ANKS6: variants seen among roughly 807,000 people sequenced by gnomAD.
ANKS6 encodes ankyrin repeat and sterile alpha motif domain containing 6, also known as ankyrin repeat and SAM domain-containing protein 6.
A neutral mutation model predicts 77.9 loss-of-function variants in ANKS6; 47 were observed. The ratio of observed to expected loss-of-function variants is 0.60; its 90% CI spans 0.48 to 0.77. The LOEUF is 0.77. ANKS6 is among the 30% of genes least tolerant of loss of function. The pLI, the probability that ANKS6 is intolerant of heterozygous loss-of-function variation, is 0.00. For synonymous variants in ANKS6, 488 were observed against 501.7 expected (o/e 0.97, Z 0.37); for missense variants, 1,150 against 1,159.1 (o/e 0.99, Z 0.11).
chr9:98,736,194 G>A lies in ANKS6; in HGVS notation c.*325C>T, dbSNP rs1224171535. The A allele has an allele frequency of 1.3e-5, 15 of 1,177,258 alleles. No individual in the cohort carries two copies. The highest frequency in any genetic ancestry group is 1.6e-5 in the Non-Finnish European group (15 of 951,492). The allele number at this position is 1,177,258 out of a possible 1,614,324, so 72.9% of individuals were successfully genotyped here. On this transcript the variant is annotated 3_prime_UTR_variant, in exon 15 of 15. Coordinates refer to ENST00000353234, the MANE Select transcript of ANKS6 (RefSeq NM_173551.5). ...TTCTCCATCGTCCCTTTCCCTTGCC[G>A]CCAGCCAGAAGCAAACTCTGAGGCT...
chr9:98,737,580 T>A (rs757548607), intron 14 of ANKS6, among the ~76,000 whole-genome samples: 2 of 152,088 alleles, frequency 1.3e-5, no homozygotes, highest in Non-Finnish European at 2.9e-5. Flanking sequence ...AAATAAATCA[T>A]AGATGACACA....
intron 5 of ANKS6, among the ~76,000 whole-genome samples, chr9:98,781,384 G>C (rs1173414909): frequency 6.6e-6 from 1 of 152,170 alleles, no homozygotes; most frequent in African/African-American, 2.4e-5. Flanking sequence ...GAGTTTCTCA[G>C]AAAAAGTGTG....
intron 8 of ANKS6, among the ~76,000 whole-genome samples, chr9:98,775,306 G>A (rs894370162): frequency 6.6e-6 from 1 of 152,216 alleles, no homozygotes; most frequent in Non-Finnish European, 1.5e-5. Context: ...GCAAGTGGGG[G>A]AAACGAAGGT....
chr9:98,736,027 C>G lies in ANKS6; in HGVS notation c.*492G>C. ...CCCCCATCTAAGTCAAAAGTTGTTG[C>G]TGGGAAGCCACTATGTGGAGACTGC... On this transcript the variant is annotated 3_prime_UTR_variant, in exon 15 of 15. Coordinates refer to ENST00000353234, the MANE Select transcript of ANKS6 (RefSeq NM_173551.5). 8.3e-7 allele frequency: 1 copy of G among 1,202,500 alleles called. No individual in the cohort carries two copies. The highest frequency in any genetic ancestry group is 1.0e-6 in the Non-Finnish European group (1 of 970,108). 74.5% of individuals were successfully genotyped at this position (1,202,500 alleles called of 1,614,324 possible).
intron 2 of ANKS6, 82 bp downstream of exon 2, chr9:98,790,022 T>G: frequency 2.0e-6 from 3 of 1,491,706 alleles, no homozygotes; most frequent in Non-Finnish European, 2.7e-6. Context: ...TGCGTGTCCT[T>G]CCAGTAGAGC....
Position 98,796,143 on chromosome 9 carries a change from G to T in ANKS6, c.349C>A (p.Gln117Lys). ...GCCCCGCCGCCTCACCTGGCCGCCTGCATGAGCGCGCTCCAGCCGTAGTGG... is the reference window on the plus strand; with the variant it reads ...GCCCCGCCGCCTCACCTGGCCGCCTTCATGAGCGCGCTCCAGCCGTAGTGG... Reference protein sequence around the residue: ...RNHYGWSALMQAARFGHVSVA... With the variant: ...RNHYGWSALMKAARFGHVSVA... Residue 117 changes from glutamine (Q) to lysine (K), a missense_variant, in exon 1 of 15, where the codon CAG (glutamine) becomes AAG (lysine). Gln to Lys is a moderately conservative substitution (Grantham distance 53). Transcript: ENST00000353234. 7.2e-7 allele frequency: 1 copy of T among 1,388,392 alleles called. No individual in the cohort carries two copies. The highest frequency in any genetic ancestry group is 9.3e-7 in the Non-Finnish European group (1 of 1,070,052). 86.0% of individuals were successfully genotyped at this position (1,388,392 alleles called of 1,614,324 possible).
intron 5 of ANKS6, among the ~76,000 whole-genome samples, chr9:98,781,586 CCT>C (rs769977887): frequency 3.9e-5 from 6 of 152,242 alleles, no homozygotes; most frequent in Non-Finnish European, 7.4e-5. Context: ...CTCTGCTTCC[CCT>C]CTCAGACCTC....
chr9:98,768,157 G>C lies in ANKS6; in HGVS notation c.2066C>G (p.Pro689Arg). 1 of 1,613,992 alleles carries C rather than the reference G, an allele frequency of 6.2e-7. No homozygotes were observed. The change falls in exon 11 of 15, where the codon CCT becomes CGT. Residue 689 changes from proline to arginine, a missense_variant. By Grantham distance (103) the Pro-to-Arg change is moderately radical (BLOSUM62 -2). Coordinates refer to ENST00000353234, the MANE Select transcript of ANKS6 (RefSeq NM_173551.5). ...GCTGGACCCCGGTGCTGGCCCCACAGGGCTTGACCGATGGCTGGGTTTCTG... is the reference window on the plus strand; with the variant it reads ...GCTGGACCCCGGTGCTGGCCCCACACGGCTTGACCGATGGCTGGGTTTCTG... ...LEQKPSHRSS[P>R]VGPAPGSSPS... is the part of the protein sequence containing the mutation.
At chr9:98,739,434 TGTCACA>T (rs1364034198) in intron 14 of ANKS6, among the ~76,000 whole-genome samples, 2 of 152,080 alleles carry the variant, frequency 1.3e-5, no homozygotes, top group Non-Finnish European at 2.9e-5. Context: ...AGCGAGACCC[TGTCACA>T]GTCTAGGTTT....
At chr9:98,778,172 G>C (rs989157075) in intron 7 of ANKS6, 54 bp downstream of exon 7, 2 of 1,580,844 alleles carry the variant, frequency 1.3e-6, no homozygotes, top group Non-Finnish European at 1.7e-6. Flanking sequence ...AAGGGCAGAG[G>C]GTACAGGCTC....
intron 5 of ANKS6, among the ~76,000 whole-genome samples, chr9:98,781,897 C>T (rs1333368163): frequency 2.0e-5 from 3 of 152,288 alleles, no homozygotes; most frequent in Admixed American, 2.0e-4. Flanking sequence ...AGAGACCTTT[C>T]CCCTTGAGCT....
Position 98,778,310 on chromosome 9 carries a change from G to A in ANKS6, c.1483C>T (p.Leu495=). The A allele has an allele frequency of 6.2e-7, 1 of 1,614,200 alleles. No individual in the cohort carries two copies. ...LPFSDEPEPA[L]DSTMRAAPQD... is the part of the protein sequence containing the mutation. ...GGGGCAGCCCTCATTGTGGAGTCCA[G>A]AGCTGGCTCAGGCTCGTCAGAGAAA... is the stretch of plus-strand genomic sequence containing the variant. The change falls in exon 7 of 15, where the codon CTG becomes TTG. Residue 495 remains leucine, a synonymous_variant. Transcript: ENST00000353234.
intron 11 of ANKS6, among the ~76,000 whole-genome samples, chr9:98,762,248 C>A (rs1833057573): frequency 6.6e-6 from 1 of 152,104 alleles, no homozygotes; most frequent in South Asian, 2.1e-4. Flanking sequence ...TAGAGAAATA[C>A]AGCTGACTTC....
intron 6 of ANKS6, 40 bp from the exon 7 acceptor site, chr9:98,778,464 G>C: frequency 6.2e-7 from 1 of 1,600,714 alleles, no homozygotes; most frequent in Non-Finnish European, 8.5e-7. Context: ...GCTCCAGGAA[G>C]GGCAAGGAGA....
intron 11 of ANKS6, among the ~76,000 whole-genome samples, chr9:98,762,107 GTAT>G (rs1564194846): frequency 6.6e-6 from 1 of 152,024 alleles, no homozygotes. Context: ...TTATACCTAA[GTAT>G]TATATTATAT....
chr9:98,750,553 G>A (rs1832371245), intron 13 of ANKS6, among the ~76,000 whole-genome samples: 1 of 152,180 alleles, frequency 6.6e-6, no homozygotes, highest in Non-Finnish European at 1.5e-5. Flanking sequence ...GGACTGCTGG[G>A]TCACACGGTA....
intron 10 of ANKS6, among the ~76,000 whole-genome samples, chr9:98,769,018 T>C (rs1316503314): frequency 6.9e-6 from 1 of 144,340 alleles, no homozygotes; most frequent in African/African-American, 2.6e-5. Context: ...TCCCAGCTAC[T>C]TGGGAGGCTG....
At chr9:98,789,840 AT>A (rs1834787584) in intron 2 of ANKS6, 1 of 424,424 alleles carries the variant, frequency 2.4e-6, no homozygotes, top group Non-Finnish European at 4.1e-6. Context: ...CATCAGAATG[AT>A]GTGCTTGGGG....
chr9:98,762,808 T>C (rs1194472694), intron 11 of ANKS6, among the ~76,000 whole-genome samples: 1 of 152,108 alleles, frequency 6.6e-6, no homozygotes, highest in Admixed American at 6.5e-5. Context: ...TTTTTATATT[T>C]ATATTCATGA....
Sources: gnomAD v4.1 joint callset for allele counts (sites outside exome capture counted in the v4.1 genomes callset) on GRCh38, gnomAD v4.1.1 for gene constraint, MANE v1.5 for transcripts, NCBI Gene and HGNC (gene_info 2026-07-23, HGNC 2026-07-21) for gene names.